BRCA1: variants seen among roughly 807,000 people sequenced by gnomAD.
BRCA1 encodes the protein BRCA1 DNA repair associated.
A neutral mutation model predicts 173.7 loss-of-function variants in BRCA1; 140 were observed. The ratio of observed to expected loss-of-function variants is 0.81; its 90% confidence interval spans 0.70 to 0.93. The LOEUF (loss-of-function observed/expected upper bound fraction) is 0.93. Ranked by LOEUF, BRCA1 falls within the 40% of genes least tolerant of loss-of-function variation. BRCA1 has a pLI of 0.00. For missense variants in BRCA1, 1,983 were observed against 2,172.5 expected, an observed-to-expected ratio of 0.91 and a Z score of 1.73; for synonymous variants, 662 against 756.0, an observed-to-expected ratio of 0.88 and a Z score of 2.04.
chr17:43,127,208 G>A (rs1440918992), upstream of BRCA1, among the ~76,000 whole-genome samples: 1 of 152,244 alleles, frequency 6.6e-6, no homozygotes, highest in Admixed American at 6.5e-5. Context: ...AGGAGTGCAG[G>A]CGCCCGGCAC....
Position 43,094,360 on chromosome 17 carries a change from C to G in BRCA1, c.1171G>C (p.Glu391Gln), listed in dbSNP as rs562553169. 1.2e-6 allele frequency: 2 copies of G among 1,614,162 alleles called. No individual in the cohort carries two copies. The highest frequency in any genetic ancestry group is 2.2e-5 in the South Asian group (2 of 91,072). ...KVNEWFSRSD[E>Q]LLGSDDSHDG... ...TGTGAGTCATCAGAACCTAACAGTTCATCACTTCTGGAAAACCACTCATTA... is the reference window on the plus strand; with the variant it reads ...TGTGAGTCATCAGAACCTAACAGTTGATCACTTCTGGAAAACCACTCATTA... The change falls in exon 10 of 23, where the codon GAA becomes CAA. Residue 391 changes from glutamate to glutamine, a missense_variant. Coordinates refer to ENST00000357654, the MANE Select transcript of BRCA1 (RefSeq NM_007294.4).
intron 1 of BRCA1, chr17:43,162,584 TATA>T (rs1442455550): frequency 6.6e-6 from 1 of 152,156 alleles, no homozygotes; most frequent in Admixed American, 6.5e-5. Context: ...CCAGTACACT[TATA>T]ATAACCATAA....
intron 1 of BRCA1, among the ~76,000 whole-genome samples, chr17:43,137,451 A>AG (rs1259791077): frequency 1.3e-5 from 2 of 151,794 alleles, no homozygotes; most frequent in African/African-American, 4.9e-5. Flanking sequence ...AAAAAAGAAT[A>AG]AAAGAGGTCC....
rs143045521 is a variant in BRCA1 at position 43,136,172 on chromosome 17, C to T, written c.-19-12057G>A. Among the ~76,000 whole-genome samples the T allele has an allele frequency of 4.0e-3, 607 of 152,276 alleles. 5 individuals carry two copies. The highest frequency in any genetic ancestry group is 0.014 in the African/African-American group (582 of 41,536). The stretch of plus-strand genomic sequence containing the variant: ...AATCTAAAAATTGGATAGACTGAAA[C>T]AGGCAATGAGGAAAGGATTCCCTAT... On this transcript the variant is annotated intron_variant, in intron 1 of 7. Transcript: ENST00000634433.
At chr17:43,095,599 C>T (rs1424302963) in intron 9 of BRCA1, among the ~76,000 whole-genome samples, 1 of 148,130 alleles carries the variant, frequency 6.8e-6, no homozygotes, top group African/African-American at 2.5e-5. Context: ...AACAAACAAA[C>T]AAACAAAAAA....
chr17:43,100,673 TATATAA>T lies in BRCA1; in HGVS notation c.442-799_442-794del, dbSNP rs2054410480. Among the ~76,000 whole-genome samples the T allele has an allele frequency of 8.0e-4, 13 of 16,338 alleles. No individual in the cohort carries two copies. The South Asian group carries it at 0.024, about 30-fold the overall frequency. 10.7% of individuals were successfully genotyped at this position (16,338 alleles called of 152,430 possible). On this transcript the variant is annotated intron_variant, in intron 6 of 22. Transcript: ENST00000357654. ...TATATATAACATATATATATATATA[TATATAA>T]TATATATATATATATATATATATGT...
rs80358061 is a variant in BRCA1 at position 43,104,967 on chromosome 17, A to C, written c.213-11T>G. ...CTTTCTTGTAGGCTCCTGAAATTAA[A>C]TTGTTTGAGAAACACACTCAGCAAG... On this transcript the variant is annotated splice_polypyrimidine_tract_variant and intron_variant, in intron 4 of 22. Transcript: ENST00000357654. The C allele has an allele frequency of 5.6e-6, 9 of 1,606,904 alleles. No individual in the cohort carries two copies. The highest frequency in any genetic ancestry group is 1.3e-5 in the African/African-American group (1 of 74,806).
Position 43,071,089 on chromosome 17 carries a change from CTGCAACTTTCAATTG to C in BRCA1, c.4810_4824del (p.Gln1604_Ala1608del). ...GCAGCAGCTGGACTCTGGGCAGATT[CTGCAACTTTCAATTG>C]GGGAACTTTCAATGCAGAGGTTGAA... is the stretch of plus-strand genomic sequence containing the variant. On this transcript the variant is annotated inframe_deletion, in exon 15 of 23. Coordinates refer to ENST00000357654, the MANE Select transcript of BRCA1 (RefSeq NM_007294.4). 6.2e-7 allele frequency: 1 copy of C among 1,614,162 alleles called. No homozygotes were observed. The highest frequency in any genetic ancestry group is 1.1e-5 in the South Asian group (1 of 91,078).
At chr17:43,116,510 C>T (rs920553123) in intron 2 of BRCA1, among the ~76,000 whole-genome samples, 1 of 152,200 alleles carries the variant, frequency 6.6e-6, no homozygotes, top group East Asian at 1.9e-4. Context: ...GCCAACACAC[C>T]CAAACCCAAG....
intron 20 of BRCA1, among the ~76,000 whole-genome samples, chr17:43,050,823 A>G (rs2051178543): frequency 6.6e-6 from 1 of 152,124 alleles, no homozygotes; most frequent in East Asian, 1.9e-4. Context: ...AACACATAAC[A>G]TACTGAATCC....
intron 1 of BRCA1, chr17:43,162,038 T>C (rs1448646571): frequency 2.0e-5 from 3 of 152,216 alleles, no homozygotes; most frequent in South Asian, 2.1e-4. Flanking sequence ...TCCAGCCCCA[T>C]TGATTCCTAA....
upstream of BRCA1, among the ~76,000 whole-genome samples, chr17:43,129,827 G>T (rs2055950921): frequency 6.6e-6 from 1 of 152,296 alleles, no homozygotes; most frequent in South Asian, 2.1e-4. Flanking sequence ...GCTTTTGGCA[G>T]ACTGAGTCAG....
intron 1 of BRCA1, among the ~76,000 whole-genome samples, chr17:43,158,478 T>C (rs1973646): frequency 0.3 from 45,700 of 152,114 alleles, 7,426 homozygotes; most frequent in South Asian, 0.49. Flanking sequence ...CTTAATCTGA[T>C]TGACATGACT....
chr17:43,151,230 T>C (rs543080243), intron 1 of BRCA1, among the ~76,000 whole-genome samples: 1 of 152,354 alleles, frequency 6.6e-6, no homozygotes, highest in South Asian at 2.1e-4. Flanking sequence ...TAGTGCTTTT[T>C]GTATCTATGA....
At chr17:43,139,547 G>T (rs968651558) in intron 1 of BRCA1, among the ~76,000 whole-genome samples, 1 of 151,974 alleles carries the variant, frequency 6.6e-6, no homozygotes, top group East Asian at 1.9e-4. Context: ...GTAGAGATGG[G>T]GTTTCACCAT....
rs397509153 is a variant in BRCA1, at chr17:43,082,524, C to T, written c.4237G>A (p.Glu1413Lys). The change falls in exon 12 of 23, where the codon GAA becomes AAA. Residue 1413 changes from glutamate (E) to lysine (K), a missense_variant. By Grantham distance (56) the Glu-to-Lys change is moderately conservative (BLOSUM62 1). Coordinates refer to ENST00000357654, the MANE Select transcript of BRCA1 (RefSeq NM_007294.4). ...NLIKLQQEMA[E>K]LEAVLEQHGS... ...TGCTGTTCTAACACAGCTTCTAGTT[C>T]AGCCATTTCCTGCTGGAGCTTTATC... The T allele has an allele frequency of 1.2e-6, 2 of 1,614,070 alleles. No individual in the cohort carries two copies. The highest frequency in any genetic ancestry group is 2.2e-5 in the East Asian group (1 of 44,902).
chr17:43,076,410 T>G, intron 13 of BRCA1, 78 bp downstream of exon 13: 2 of 1,558,204 alleles, frequency 1.3e-6, no homozygotes, highest in South Asian at 2.2e-5. Flanking sequence ...GAAAGTATGG[T>G]GAAAAAAATT....
chr17:43,097,381 C>T, intron 7 of BRCA1, 92 bp from the exon 8 acceptor site: 3 of 1,073,198 alleles, frequency 2.8e-6, no homozygotes, highest in Non-Finnish European at 4.3e-6. Context: ...AGATATTCAA[C>T]TAGAAATATT....
chr17:43,122,896 A>T (rs2055644119), intron 2 of BRCA1, among the ~76,000 whole-genome samples: 1 of 151,706 alleles, frequency 6.6e-6, no homozygotes, highest in African/African-American at 2.4e-5. Context: ...AAAGAAAAAA[A>T]AATACAAAAA....
Sources: gnomAD v4.1 joint callset for allele counts (sites outside exome capture counted in the v4.1 genomes callset) on GRCh38, gnomAD v4.1.1 for gene constraint, MANE v1.5 for transcripts, NCBI Gene and HGNC (gene_info 2026-07-23, HGNC 2026-07-21) for gene names.